ATF6: variants seen among roughly 807,000 people sequenced by gnomAD.
ATF6 encodes cyclic AMP-dependent transcription factor ATF-6 alpha.
Under a neutral mutation model 83.6 loss-of-function variants are expected in ATF6, and 53 were observed. The ratio of observed to expected loss-of-function variants is 0.63; its 90% CI spans 0.51 to 0.80. The LOEUF is 0.80. ATF6 is among the 30% of genes least tolerant of loss of function. The pLI is 0.00. For missense variants in ATF6, 744 were observed against 797.9 expected, an observed-to-expected ratio of 0.93 and a Z score of 0.81; for synonymous variants, 288 against 285.8, an observed-to-expected ratio of 1.01 and a Z score of -0.08.
At chr1:161,864,921 C>G (rs1373179252) in intron 14 of ATF6, among the ~76,000 whole-genome samples, 3 of 152,060 alleles carry the variant, frequency 2.0e-5, no homozygotes, top group Non-Finnish European at 4.4e-5. Context: ...AAGAAGAAAC[C>G]TGCTGGGTGT....
chr1:161,939,618 C>T (rs764979209), intron 15 of ATF6, among the ~76,000 whole-genome samples: 10 of 152,204 alleles, frequency 6.6e-5, no homozygotes, highest in Non-Finnish European at 1.2e-4. Context: ...TTCTTTCCTG[C>T]ACTCTGCTGT....
intron 9 of ATF6, among the ~76,000 whole-genome samples, chr1:161,825,992 C>CATA (rs1237797989): frequency 6.6e-6 from 1 of 152,168 alleles, no homozygotes; most frequent in African/African-American, 2.4e-5. Flanking sequence ...TACCCCCTAT[C>CATA]ACTCAGGAAA....
rs571922038 is a variant in ATF6 at position 161,784,791 on chromosome 1, G to A, written c.354+695G>A. Among the ~76,000 whole-genome samples, 22 of 152,214 alleles carry A rather than the reference G, an allele frequency of 1.4e-4. No homozygotes were observed. In the South Asian group the frequency reaches 4.6e-3, roughly 32 times the overall value. On this transcript the variant is annotated intron_variant, in intron 4 of 15. Transcript: ENST00000367942. ...TGGTTATATGCACATATTAATTCAA[G>A]GATTTATCTTTTCTGCCCCTGCCAG...
At chr1:161,845,857 C>G (rs1317883969) in intron 9 of ATF6, among the ~76,000 whole-genome samples, 2 of 151,762 alleles carry the variant, frequency 1.3e-5, no homozygotes, top group Non-Finnish European at 2.9e-5. Flanking sequence ...ATGCTTATGC[C>G]TCTGAAGAGG....
intron 7 of ATF6, among the ~76,000 whole-genome samples, chr1:161,803,911 A>G (rs1169981518): frequency 1.3e-5 from 2 of 151,946 alleles, no homozygotes; most frequent in Non-Finnish European, 2.9e-5. Flanking sequence ...TTACATATGT[A>G]TACATGTGAC....
At chr1:161,898,668 C>T (rs1687723905) in intron 14 of ATF6, among the ~76,000 whole-genome samples, 1 of 152,094 alleles carries the variant, frequency 6.6e-6, no homozygotes, top group Non-Finnish European at 1.5e-5. Context: ...CTGCCTTAGC[C>T]TCCCAAGTAG....
chr1:161,843,751 A>G (rs1218497699), intron 9 of ATF6, among the ~76,000 whole-genome samples: 1 of 152,220 alleles, frequency 6.6e-6, no homozygotes, highest in African/African-American at 2.4e-5. Flanking sequence ...GTTAATTCAT[A>G]AGTAGATAAA....
chr1:161,847,170 T>A (rs1686504590), intron 10 of ATF6, among the ~76,000 whole-genome samples: 1 of 152,200 alleles, frequency 6.6e-6, no homozygotes, highest in Non-Finnish European at 1.5e-5. Flanking sequence ...TATAGTTGTA[T>A]ACTTTTTGAT....
At chr1:161,940,886 C>T (rs943753475) in intron 15 of ATF6, among the ~76,000 whole-genome samples, 3 of 152,108 alleles carry the variant, frequency 2.0e-5, no homozygotes, top group Non-Finnish European at 4.4e-5. Flanking sequence ...GTCATCTCTC[C>T]ACCTCCCCAG....
intron 15 of ATF6, among the ~76,000 whole-genome samples, chr1:161,944,838 C>T (rs1445473140): frequency 6.6e-6 from 1 of 152,228 alleles, no homozygotes; most frequent in African/African-American, 2.4e-5. Flanking sequence ...GCCTGGCATT[C>T]TTTGTCACTC....
intron 15 of ATF6, among the ~76,000 whole-genome samples, chr1:161,943,900 T>TCTG (rs1287789246): frequency 6.6e-6 from 1 of 152,222 alleles, no homozygotes. Flanking sequence ...TCGCTTACCA[T>TCTG]CTGCTCACTA....
chr1:161,793,373 C>T (rs1348993225), intron 6 of ATF6, among the ~76,000 whole-genome samples: 1 of 152,216 alleles, frequency 6.6e-6, no homozygotes, highest in Non-Finnish European at 1.5e-5. Context: ...TGCCTGCTCT[C>T]TCAGTACAAA....
chr1:161,956,542 A>C (rs1400187373), intron 15 of ATF6, among the ~76,000 whole-genome samples: 1 of 152,238 alleles, frequency 6.6e-6, no homozygotes, highest in Non-Finnish European at 1.5e-5. Context: ...AGTAATAGCC[A>C]TTGCAAAGCA....
In ATF6 at chr1:161,849,926, G is replaced by C. The variant is rs147399083; in HGVS notation, c.1320-1796G>C. On this transcript the variant is annotated intron_variant, in intron 10 of 15. Transcript: ENST00000367942. ...ACAACTGTGTTTTTTCCTTTCCATT[G>C]CTTAAGCCAGAAATCCTGATTCCTG... Among the ~76,000 whole-genome samples, 422 of 152,042 alleles carry C rather than the reference G, an allele frequency of 2.8e-3. 1 individual carries two copies. The highest frequency in any genetic ancestry group is 9.9e-3 in the African/African-American group (409 of 41,478).
chr1:161,943,430 T>G (rs1688690814), intron 15 of ATF6, among the ~76,000 whole-genome samples: 1 of 152,180 alleles, frequency 6.6e-6, no homozygotes, highest in South Asian at 2.1e-4. Flanking sequence ...TTAAACCTCT[T>G]TCCTTTATAA....
At chr1:161,830,174 A>G (rs928062171) in intron 9 of ATF6, among the ~76,000 whole-genome samples, 2 of 152,226 alleles carry the variant, frequency 1.3e-5, no homozygotes, top group Admixed American at 6.5e-5. Flanking sequence ...AGAGAGCCAA[A>G]TCATGAGTGA....
Position 161,912,277 on chromosome 1 carries a change from T to G in ATF6, c.1720-19T>G. 1 of 1,584,390 alleles carries G rather than the reference T, an allele frequency of 6.3e-7. No homozygotes were observed. Among genetic ancestry groups the G allele is most frequent in the Non-Finnish European group, 8.6e-7 (1 of 1,160,878 alleles). On this transcript the variant is annotated intron_variant, in intron 14 of 15. Transcript: ENST00000367942. The stretch of plus-strand genomic sequence containing the variant: ...AAGCCAATTGTTATATATAACAGAT[T>G]GTTCTTTGTTAATTTTAGGATCACC...
At position 161,958,651 on chromosome 1, in the gene ATF6, A is replaced by G. The variant is rs373811962; in HGVS notation, c.2010A>G (p.Gln670=). ...HVVSTIPESL[Q] Reference sequence around the variant, plus strand: ...TCAGCACCATCCCTGAGTCATTACAATAGCACCCTGCAGCTATGCTGGAAA... The same window carrying G: ...TCAGCACCATCCCTGAGTCATTACAGTAGCACCCTGCAGCTATGCTGGAAA... Residue 670 remains glutamine (Q), a synonymous_variant, in exon 16 of 16, where the codon CAA becomes CAG. Transcript: ENST00000367942. The G allele has an allele frequency of 5.0e-6, 8 of 1,608,824 alleles. No individual in the cohort carries two copies. The highest frequency in any genetic ancestry group is 6.8e-6 in the Non-Finnish European group (8 of 1,177,354).
intron 14 of ATF6, among the ~76,000 whole-genome samples, chr1:161,866,754 TG>T (rs1358356702): frequency 6.6e-6 from 1 of 152,128 alleles, no homozygotes. Context: ...TTTGTTTGTT[TG>T]TTTGTTTGTT....
Sources: allele counts gnomAD v4.1 joint callset (sites outside exome capture counted in the v4.1 genomes callset), GRCh38; gene constraint gnomAD v4.1.1; transcripts MANE v1.5; gene names NCBI Gene and HGNC (gene_info 2026-07-23, HGNC 2026-07-21).